The following DOCK5 variants were observed in gnomAD, a reference collection of about 807,000 sequenced individuals.
The protein encoded by DOCK5 is dedicator of cytokinesis protein 5.
DOCK5 carries 142 observed loss-of-function variants against 251.8 expected under a neutral mutation model. That is an observed-to-expected ratio of 0.56 (90% CI 0.49 to 0.65). The LOEUF (loss-of-function observed/expected upper bound fraction) is 0.65. Among genes scored for constraint, DOCK5 ranks in the 30% least tolerant of loss-of-function variants. The pLI is 0.00. For missense variants in DOCK5, 2,111 were observed against 2,312.3 expected, an observed-to-expected ratio of 0.91 and a Z score of 1.79; for synonymous variants, 842 against 835.5, an observed-to-expected ratio of 1.01 and a Z score of -0.13.
chr8:25,364,485 G>C (rs548828828), intron 29 of DOCK5, 141 bp from the exon 30 acceptor site: 2 of 616,736 alleles, frequency 3.2e-6, no homozygotes, highest in East Asian at 5.7e-5. Context: ...GTGTTATGCT[G>C]TTGTCTGCAA....
chr8:25,246,539 A>G (rs1175138788), intron 2 of DOCK5, among the ~76,000 whole-genome samples: 1 of 152,124 alleles, frequency 6.6e-6, no homozygotes, highest in Non-Finnish European at 1.5e-5. Flanking sequence ...TTGGCCTCCC[A>G]GTGTTGGGAT....
chr8:25,299,136 A>G, intron 8 of DOCK5, 35 bp downstream of exon 8: 1 of 1,603,990 alleles, frequency 6.2e-7, no homozygotes, highest in Non-Finnish European at 8.5e-7. Flanking sequence ...TGCTGACCTA[A>G]CAAAGATACC....
intron 13 of DOCK5, 97 bp from the exon 14 acceptor site, chr8:25,316,910 C>G (rs1805265965): frequency 6.8e-7 from 1 of 1,464,186 alleles, no homozygotes; most frequent in African/African-American, 1.4e-5. Context: ...TAAAACCAGA[C>G]CATTTCGTGT....
chr8:25,185,432 G>A lies in DOCK5; in HGVS notation c.43+481G>A, dbSNP rs367841891. ...ACGCCCCTTAAGTGAGGAGTTGAGG[G>A]TGGAAAGCCGCCCTGCCCCCTTTCC... On this transcript the variant is annotated intron_variant, in intron 1 of 51. Transcript: ENST00000276440. 6.6e-4 allele frequency among the ~76,000 whole-genome samples: 101 copies of A among 152,270 alleles called. 2 individuals are homozygous for A. In the South Asian group the frequency reaches 0.013, roughly 19 times the overall value.
chr8:25,333,210 G>A (rs1425842615), intron 20 of DOCK5, among the ~76,000 whole-genome samples: 1 of 152,200 alleles, frequency 6.6e-6, no homozygotes, highest in African/African-American at 2.4e-5. Context: ...AGCCAGAGGT[G>A]AGGGTGGAGG....
At chr8:25,366,655 G>A (rs1800781658) in intron 30 of DOCK5, among the ~76,000 whole-genome samples, 1 of 152,060 alleles carries the variant, frequency 6.6e-6, no homozygotes, top group Non-Finnish European at 1.5e-5. Context: ...CAGGAGTAAA[G>A]AAAAATATAA....
chr8:25,200,080 A>T (rs533546846), intron 1 of DOCK5, among the ~76,000 whole-genome samples: 2 of 152,370 alleles, frequency 1.3e-5, no homozygotes, highest in South Asian at 2.1e-4. Context: ...TGTCTTTTAT[A>T]AAAGAATCCT....
chr8:25,258,893 T>C (rs1586272458), intron 2 of DOCK5, among the ~76,000 whole-genome samples: 1 of 151,770 alleles, frequency 6.6e-6, no homozygotes, highest in East Asian at 1.9e-4. Flanking sequence ...CTGAGGTGAG[T>C]GGATCACTTG....
intron 18 of DOCK5, among the ~76,000 whole-genome samples, chr8:25,325,972 T>C (rs1348967164): frequency 6.6e-6 from 1 of 152,124 alleles, no homozygotes; most frequent in Admixed American, 6.5e-5. Context: ...CTGTTTGAGT[T>C]CTGTCCTTCC....
At chr8:25,340,492 A>G (rs550508233) in intron 22 of DOCK5, among the ~76,000 whole-genome samples, 1 of 152,342 alleles carries the variant, frequency 6.6e-6, no homozygotes, top group South Asian at 2.1e-4. Context: ...ATTTCTACTT[A>G]TGAGAAAGAA....
intron 40 of DOCK5, among the ~76,000 whole-genome samples, chr8:25,383,509 A>T (rs1162235670): frequency 6.6e-6 from 1 of 152,184 alleles, no homozygotes; most frequent in Admixed American, 6.5e-5. Context: ...ACTCTCATGG[A>T]TTTTACAACC....
intron 14 of DOCK5, among the ~76,000 whole-genome samples, chr8:25,319,076 G>T (rs758107338): frequency 2.0e-5 from 3 of 152,156 alleles, no homozygotes; most frequent in Non-Finnish European, 2.9e-5. Context: ...GCCCCACCAA[G>T]GCCTGGTTCT....
Position 25,296,664 on chromosome 8 carries a change from T to C in DOCK5, c.606+16T>C. The C allele has an allele frequency of 6.2e-7, 1 of 1,611,074 alleles. No homozygotes were observed. The highest frequency in any genetic ancestry group is 1.1e-5 in the South Asian group (1 of 90,454). ...AGAAGAGAAGGTACAGTTCCTCAAA[T>C]GTGAAATTCTGCCCACTGAGGTTCC... On this transcript the variant is annotated intron_variant, in intron 7 of 51. Transcript: ENST00000276440.
At chr8:25,367,140 T>G (rs1039132302) in intron 31 of DOCK5, among the ~76,000 whole-genome samples, 170 bp downstream of exon 31, 5 of 152,194 alleles carry the variant, frequency 3.3e-5, no homozygotes, top group African/African-American at 1.2e-4. Context: ...CAGGTTCAGC[T>G]CTCTTTTCTT....
intron 5 of DOCK5, among the ~76,000 whole-genome samples, chr8:25,283,032 T>C (rs1408625609): frequency 6.6e-6 from 1 of 152,128 alleles, no homozygotes; most frequent in East Asian, 1.9e-4. Context: ...ACCCCAGCCA[T>C]GTAGACGCTG....
chr8:25,269,070 C>G (rs1378612653), intron 3 of DOCK5, among the ~76,000 whole-genome samples, 185 bp downstream of exon 3: 2 of 152,182 alleles, frequency 1.3e-5, no homozygotes, highest in Non-Finnish European at 2.9e-5. Context: ...TAGTGTAAAT[C>G]CCATTGACTG....
intron 5 of DOCK5, among the ~76,000 whole-genome samples, chr8:25,289,548 A>G (rs1429306479): frequency 3.9e-5 from 6 of 151,932 alleles, no homozygotes; most frequent in Non-Finnish European, 8.8e-5. Context: ...AACTATAAAG[A>G]AGAAAGAAAT....
At chr8:25,403,234 G>A (rs529192030) in intron 47 of DOCK5, among the ~76,000 whole-genome samples, 27 of 152,264 alleles carry the variant, frequency 1.8e-4, no homozygotes, top group Non-Finnish European at 3.5e-4. Flanking sequence ...GGAAGCAGAC[G>A]GAAGGTTTTG....
chr8:25,301,753 A>C (rs988653046), intron 9 of DOCK5, among the ~76,000 whole-genome samples: 6 of 152,096 alleles, frequency 3.9e-5, no homozygotes, highest in African/African-American at 1.4e-4. Flanking sequence ...CAAGAGAAAT[A>C]GGTATTTCAT....
Sources: allele counts gnomAD v4.1 joint callset (sites outside exome capture counted in the v4.1 genomes callset), GRCh38; gene constraint gnomAD v4.1.1; transcripts MANE v1.5; gene names NCBI Gene and HGNC (gene_info 2026-07-23, HGNC 2026-07-21).